The following NAV2 variants were observed in gnomAD, a reference collection of about 807,000 sequenced individuals.
NAV2 encodes the protein helicase, APC down-regulated 1.
A neutral mutation model predicts 223.2 loss-of-function variants in NAV2; 54 were observed. The ratio of observed to expected loss-of-function variants is 0.24; its 90% CI spans 0.19 to 0.30. NAV2 has a LOEUF of 0.30. NAV2 is among the 10% of genes least tolerant of loss of function. The pLI, the probability that NAV2 is intolerant of heterozygous loss-of-function variation, is 1.00. For missense variants in NAV2, 2,806 were observed against 3,147.5 expected, an observed-to-expected ratio of 0.89 and a Z score of 2.60; for synonymous variants, 1,279 against 1,239.3, an observed-to-expected ratio of 1.03 and a Z score of -0.67.
At chr11:20,023,169 T>C in intron 11 of NAV2, 5 of 1,543,432 alleles carry the variant, frequency 3.2e-6, no homozygotes, top group Non-Finnish European at 4.4e-6. Flanking sequence ...GGCCAGGGGG[T>C]GGGTGTGGTG....
chr11:19,464,481 A>G (rs1852278881), intron 1 of NAV2, among the ~76,000 whole-genome samples: 1 of 152,240 alleles, frequency 6.6e-6, no homozygotes. Flanking sequence ...AGGGCCTGGC[A>G]TTCAGACTTG....
intron 1 of NAV2, among the ~76,000 whole-genome samples, chr11:19,626,294 T>G (rs891355678): frequency 1.3e-5 from 2 of 152,166 alleles, no homozygotes; most frequent in African/African-American, 4.8e-5. Context: ...TGTCCTTTCC[T>G]CAGTGAGTGT....
intron 1 of NAV2, among the ~76,000 whole-genome samples, chr11:19,801,390 C>G (rs1388681216): frequency 6.6e-6 from 1 of 152,238 alleles, no homozygotes; most frequent in Admixed American, 6.5e-5. Context: ...TTGGGCACCT[C>G]TCCCTTTGCT....
intron 11 of NAV2, among the ~76,000 whole-genome samples, chr11:20,000,713 A>C (rs968354839): frequency 6.6e-6 from 1 of 152,102 alleles, no homozygotes; most frequent in African/African-American, 2.4e-5. Flanking sequence ...CACAAGCAGC[A>C]CTTGTCATGC....
Position 19,949,018 on chromosome 11 carries a change from C to T in NAV2, c.2583C>T (p.Pro861=), listed in dbSNP as rs139244120. 128 of 1,613,630 alleles carry T rather than the reference C, an allele frequency of 7.9e-5. 1 individual carries two copies. The South Asian group carries it at 8.6e-4, about 11-fold the overall frequency. The part of the protein sequence containing the change: ...MDLEGISMDA[P]GYMSDGDVLS... ...TGGAAGGCATCAGCATGGATGCCCC[C>T]GGCTACATGAGCGACGGGGATGTTC... Residue 861 remains proline, a synonymous_variant, in exon 10 of 38, where the codon CCC becomes CCT. Transcript: ENST00000349880.
intron 1 of NAV2, among the ~76,000 whole-genome samples, chr11:19,409,681 G>T (rs557828904): frequency 2.6e-5 from 4 of 152,276 alleles, no homozygotes; most frequent in African/African-American, 9.6e-5. Flanking sequence ...CATGCCCCAG[G>T]ATTCACCTTC....
chr11:19,412,014 C>T (rs539908747), intron 1 of NAV2, among the ~76,000 whole-genome samples: 16 of 152,230 alleles, frequency 1.1e-4, no homozygotes, highest in South Asian at 1.0e-3. Flanking sequence ...AGGGGTCTTT[C>T]GAGCTAGCTG....
At chr11:19,766,491 TAAG>T (rs2055239668) in intron 1 of NAV2, among the ~76,000 whole-genome samples, 1 of 152,150 alleles carries the variant, frequency 6.6e-6, no homozygotes, top group African/African-American at 2.4e-5. Flanking sequence ...TGATGTCTCT[TAAG>T]GAGGGAGTGA....
intron 1 of NAV2, among the ~76,000 whole-genome samples, chr11:19,782,438 G>A (rs1407084791): frequency 1.3e-5 from 2 of 152,232 alleles, no homozygotes; most frequent in African/African-American, 4.8e-5. Flanking sequence ...TAGAGAAGTA[G>A]AGATTTATAA....
chr11:19,841,349 C>A (rs2060501656), intron 2 of NAV2, among the ~76,000 whole-genome samples: 1 of 152,162 alleles, frequency 6.6e-6, no homozygotes, highest in Admixed American at 6.5e-5. Context: ...GATAATGATT[C>A]AGGTTTCTAA....
intron 6 of NAV2, among the ~76,000 whole-genome samples, chr11:19,907,552 T>C (rs2153211568): frequency 6.6e-6 from 1 of 151,882 alleles, no homozygotes; most frequent in East Asian, 1.9e-4. Flanking sequence ...GAGACAGAAG[T>C]ATTGATTGAA....
rs1193842025 is a variant in NAV2, at chr11:19,716,191, C to T, written c.267+2229C>T. ...CAATGAATTAAATGGCAAATGCTCT[C>T]TTGGGGCCCCTGACTCCCCTTTTAT... On this transcript the variant is annotated intron_variant, in intron 1 of 37. Transcript: ENST00000349880. Among the ~76,000 whole-genome samples, 5 of 152,272 alleles carry T rather than the reference C, an allele frequency of 3.3e-5. No homozygotes were observed. In the East Asian group the frequency reaches 9.7e-4, roughly 29 times the overall value.
chr11:19,895,156 C>T (rs1225894972), intron 6 of NAV2, among the ~76,000 whole-genome samples: 1 of 118,340 alleles, frequency 8.5e-6, no homozygotes, highest in African/African-American at 3.3e-5. Context: ...GTCAATCAGG[C>T]TGGAGTGCAG....
intron 1 of NAV2, among the ~76,000 whole-genome samples, chr11:19,650,499 G>A (rs1344600317): frequency 6.6e-6 from 1 of 152,170 alleles, no homozygotes; most frequent in Non-Finnish European, 1.5e-5. Context: ...TCCTGGTTGT[G>A]GTACTTTGTT....
At chr11:19,498,018 C>G (rs1244678542) in intron 1 of NAV2, among the ~76,000 whole-genome samples, 1 of 152,196 alleles carries the variant, frequency 6.6e-6, no homozygotes, top group Non-Finnish European at 1.5e-5. Flanking sequence ...CATAAGGAAA[C>G]TGATGCACTG....
chr11:19,967,786 C>T (rs1317225427), intron 10 of NAV2, among the ~76,000 whole-genome samples: 1 of 152,128 alleles, frequency 6.6e-6, no homozygotes, highest in Non-Finnish European at 1.5e-5. Context: ...TTTCAAAGGT[C>T]TTTCAGTTTT....
At chr11:19,732,127 C>A (rs908200142) in intron 1 of NAV2, among the ~76,000 whole-genome samples, 10 of 152,060 alleles carry the variant, frequency 6.6e-5, no homozygotes, top group Non-Finnish European at 1.5e-4. Context: ...GTGGCGCGCA[C>A]TTGTAGTCAG....
At position 19,590,807 on chromosome 11, in the gene NAV2, G is replaced by A. The variant is rs548719150; in HGVS notation, c.75+239780G>A. Reference sequence around the variant, plus strand: ...TAAGGAATTTTACATGTTGTCATTCGTTCCACTGCCCATCAGGGTCATCTT... The same window carrying A: ...TAAGGAATTTTACATGTTGTCATTCATTCCACTGCCCATCAGGGTCATCTT... On this transcript the variant is annotated intron_variant, in intron 1 of 37. Transcript: ENST00000360655. Among the ~76,000 whole-genome samples the A allele has an allele frequency of 2.5e-4, 38 of 152,182 alleles. 1 individual carries two copies. The South Asian group carries it at 7.1e-3, about 28-fold the overall frequency.
chr11:19,795,946 T>C (rs1270450995), intron 1 of NAV2, among the ~76,000 whole-genome samples: 1 of 150,300 alleles, frequency 6.7e-6, no homozygotes, highest in Non-Finnish European at 1.5e-5. Flanking sequence ...GAAACCCCTT[T>C]AGGTTTAGCT....
Sources: allele counts gnomAD v4.1 joint callset (sites outside exome capture counted in the v4.1 genomes callset), GRCh38; gene constraint gnomAD v4.1.1; transcripts MANE v1.5; gene names NCBI Gene and HGNC (gene_info 2026-07-23, HGNC 2026-07-21).